The following NKAIN3 variants were observed in gnomAD, a reference collection of about 807,000 sequenced individuals.
The protein encoded by NKAIN3 is sodium/potassium transporting ATPase interacting 3.
A neutral mutation model predicts 30.2 loss-of-function variants in NKAIN3; 25 were observed. The ratio of observed to expected loss-of-function variants is 0.83; its 90% CI spans 0.60 to 1.16. The LOEUF (loss-of-function observed/expected upper bound fraction) is 1.16. NKAIN3 is among the 50% of genes most tolerant of loss of function. The pLI is 0.00. For synonymous variants in NKAIN3, 91 were observed against 89.6 expected (o/e 1.02, Z -0.09); for missense variants, 225 against 254.1 (o/e 0.89, Z 0.78).
intron 3 of NKAIN3, among the ~76,000 whole-genome samples, chr8:62,605,756 T>C (rs1433706982): frequency 6.6e-6 from 1 of 152,092 alleles, no homozygotes; most frequent in Non-Finnish European, 1.5e-5. Context: ...GTGCAAATAC[T>C]ATATTATTTT....
At chr8:62,691,045 C>G (rs908512129) in intron 3 of NKAIN3, among the ~76,000 whole-genome samples, 1 of 152,170 alleles carries the variant, frequency 6.6e-6, no homozygotes, top group Admixed American at 6.5e-5. Context: ...ATCTAAAACA[C>G]GGGATCAAGT....
chr8:62,798,574 C>A (rs564262268), intron 4 of NKAIN3, among the ~76,000 whole-genome samples: 2 of 150,646 alleles, frequency 1.3e-5, no homozygotes, highest in Admixed American at 6.6e-5. Context: ...TCCGTCCCCC[C>A]CAAAAAAAAA....
intron 1 of NKAIN3, among the ~76,000 whole-genome samples, chr8:62,291,052 G>A (rs958829491): frequency 1.3e-5 from 2 of 152,074 alleles, no homozygotes; most frequent in Non-Finnish European, 2.9e-5. Context: ...TTCTGTGATG[G>A]TAGTTTGTAT....
chr8:62,255,881 A>G (rs1362527534), intron 1 of NKAIN3, among the ~76,000 whole-genome samples: 1 of 152,160 alleles, frequency 6.6e-6, no homozygotes, highest in African/African-American at 2.4e-5. Flanking sequence ...TCTATTGGAT[A>G]GAAATATTTT....
chr8:62,673,421 G>T (rs1395817067), intron 3 of NKAIN3, among the ~76,000 whole-genome samples: 3 of 152,108 alleles, frequency 2.0e-5, no homozygotes, highest in African/African-American at 7.2e-5. Flanking sequence ...GAAAACCAAG[G>T]GTACAATCTT....
intron 4 of NKAIN3, among the ~76,000 whole-genome samples, chr8:62,783,461 T>C (rs1038143883): frequency 1.3e-5 from 2 of 152,070 alleles, no homozygotes; most frequent in African/African-American, 4.8e-5. Context: ...ACCCAGTCTA[T>C]GGTATTTGGT....
At chr8:62,507,452 A>C (rs570880204) in intron 1 of NKAIN3, among the ~76,000 whole-genome samples, 1 of 152,312 alleles carries the variant, frequency 6.6e-6, no homozygotes, top group Admixed American at 6.5e-5. Flanking sequence ...CTTCCCAGTC[A>C]GTGCCTCATA....
chr8:62,376,607 T>A (rs1415720540), intron 1 of NKAIN3, among the ~76,000 whole-genome samples: 1 of 152,208 alleles, frequency 6.6e-6, no homozygotes, highest in African/African-American at 2.4e-5. Flanking sequence ...TGTAACATTG[T>A]ACCATTTTCT....
intron 1 of NKAIN3, among the ~76,000 whole-genome samples, chr8:62,378,136 G>C (rs1817153275): frequency 6.6e-6 from 1 of 152,198 alleles, no homozygotes; most frequent in Non-Finnish European, 1.5e-5. Flanking sequence ...AGTCGGAGGT[G>C]AGGACCTTGT....
chr8:62,852,223 A>T (rs1307700856), intron 4 of NKAIN3, among the ~76,000 whole-genome samples: 1 of 151,810 alleles, frequency 6.6e-6, no homozygotes, highest in Non-Finnish European at 1.5e-5. Flanking sequence ...TTTCTTCTAG[A>T]TTTTCTAGTT....
chr8:62,759,544 C>T (rs1383157), intron 4 of NKAIN3, among the ~76,000 whole-genome samples: 26,525 of 152,056 alleles, frequency 0.17, 2,504 homozygotes, highest in East Asian at 0.29. Flanking sequence ...AGAGACTTAT[C>T]AGACGGACAT....
chr8:62,751,814 CTGTGTG>C (rs3032932), intron 4 of NKAIN3, among the ~76,000 whole-genome samples: 1 of 146,584 alleles, frequency 6.8e-6, no homozygotes, highest in Non-Finnish European at 1.5e-5. Context: ...TACTAAAAAA[CTGTGTG>C]TGTGTGTGTG....
intron 4 of NKAIN3, among the ~76,000 whole-genome samples, chr8:62,777,688 G>T (rs548380228): frequency 2.0e-5 from 3 of 152,066 alleles, no homozygotes; most frequent in Non-Finnish European, 2.9e-5. Flanking sequence ...CTCCATGATT[G>T]GTTCCTGGTG....
chr8:62,880,597 C>T lies in NKAIN3; in HGVS notation c.472-37856C>T, dbSNP rs563949198. Among the ~76,000 whole-genome samples, 228 of 152,128 alleles carry T rather than the reference C, an allele frequency of 1.5e-3. 1 individual carries two copies. Among genetic ancestry groups the T allele is most frequent in the African/African-American group, 4.8e-3 (198 of 41,516 alleles). ...CACTTTAAGTAGATTGATCTTTTTC[C>T]CTTAAAAAAATGGAATTTTAAAAGA... On this transcript the variant is annotated intron_variant, in intron 4 of 6. Coordinates refer to ENST00000623646, the MANE Select transcript of NKAIN3 (RefSeq NM_001304533.3).
At chr8:62,389,146 T>C (rs1186215612) in intron 1 of NKAIN3, among the ~76,000 whole-genome samples, 1 of 152,186 alleles carries the variant, frequency 6.6e-6, no homozygotes, top group African/African-American at 2.4e-5. Flanking sequence ...GAACTTCATC[T>C]ACAGGAAAAT....
At chr8:62,579,903 GTCAC>G (rs1810239070) in intron 2 of NKAIN3, among the ~76,000 whole-genome samples, 1 of 152,092 alleles carries the variant, frequency 6.6e-6, no homozygotes, top group East Asian at 1.9e-4. Flanking sequence ...ATGACATGGT[GTCAC>G]TCACAACGTA....
intron 1 of NKAIN3, among the ~76,000 whole-genome samples, chr8:62,263,617 C>T (rs373952057): frequency 3.5e-4 from 53 of 152,100 alleles, no homozygotes; most frequent in Non-Finnish European, 2.8e-4. Context: ...TTTAATGTGA[C>T]GTAACTTAAT....
intron 3 of NKAIN3, among the ~76,000 whole-genome samples, chr8:62,672,794 T>C (rs1813347690): frequency 6.6e-6 from 1 of 152,342 alleles, no homozygotes; most frequent in African/African-American, 2.4e-5. Context: ...ACTCTATCTC[T>C]TTATATTCAT....
In NKAIN3 at chr8:62,979,774, A is replaced by C. The variant is rs566506637; in HGVS notation, c.*14367A>C. The C allele has an allele frequency of 5.9e-5, 9 of 152,244 alleles. No homozygotes were observed. Among genetic ancestry groups the C allele is most frequent in the Non-Finnish European group, 1.2e-4 (8 of 68,058 alleles). The allele number at this position is 152,244 out of a possible 1,614,324, so 9.4% of individuals were successfully genotyped here. A position where few individuals can be genotyped will look rare whatever the true frequency, so the allele number is the denominator to read the frequency against. ...GCACTTGGTGGCCATCAGCTGTAAC[A>C]AGTCCTGACTAGACAAGGGCTTTGT... On this transcript the variant is annotated 3_prime_UTR_variant, in exon 7 of 7. Transcript: ENST00000623646.
Sources: gnomAD v4.1 joint callset for allele counts (sites outside exome capture counted in the v4.1 genomes callset) on GRCh38, gnomAD v4.1.1 for gene constraint, MANE v1.5 for transcripts, NCBI Gene and HGNC (gene_info 2026-07-23, HGNC 2026-07-21) for gene names.